Variants in TSPAN15 observed in about 807,000 individuals in gnomAD.
The protein encoded by TSPAN15 is tetraspanin 15.
In TSPAN15, 20 loss-of-function variants were observed where a neutral mutation model predicts 34.5. That is an observed-to-expected ratio of 0.58 (90% CI 0.41 to 0.84). The LOEUF (loss-of-function observed/expected upper bound fraction) is 0.84, where lower values mean the gene tolerates loss of function less well. TSPAN15 is among the 40% of genes least tolerant of loss of function. TSPAN15 has a pLI of 0.00. For synonymous variants in TSPAN15, 155 were observed against 153.9 expected (o/e 1.01, Z -0.05); for missense variants, 313 against 386.1 (o/e 0.81, Z 1.59).
chr10:69,485,350 C>T (rs1203794234), intron 3 of TSPAN15, 135 bp downstream of exon 3: 3 of 791,372 alleles, frequency 3.8e-6, no homozygotes, highest in South Asian at 1.4e-5. Flanking sequence ...AAGAGAATGA[C>T]AGGCACTGAA....
the TSPAN15 span, among the ~76,000 whole-genome samples, chr10:69,526,151 G>A: frequency 2.0e-5 from 3 of 147,482 alleles, no homozygotes; most frequent in Non-Finnish European, 4.5e-5. Flanking sequence ...CACAGATATT[G>A]AAGAGATGAA....
intron 3 of TSPAN15, among the ~76,000 whole-genome samples, chr10:69,485,931 G>A (rs984331984): frequency 1.3e-5 from 2 of 152,190 alleles, no homozygotes; most frequent in Non-Finnish European, 2.9e-5. Flanking sequence ...GGTTGACAGG[G>A]TGATGCCTGG....
chr10:69,496,320 C>CAAT (rs3028371), intron 4 of TSPAN15, among the ~76,000 whole-genome samples: 17,436 of 132,288 alleles, frequency 0.13, 1,177 homozygotes, highest in Middle Eastern at 0.17. Flanking sequence ...TCTGTTGGTG[C>CAAT]AATAATAATA....
intron 1 of TSPAN15, among the ~76,000 whole-genome samples, chr10:69,461,578 G>A (rs1054083543): frequency 1.3e-5 from 2 of 152,184 alleles, no homozygotes; most frequent in Non-Finnish European, 2.9e-5. Flanking sequence ...TGACCTCTCC[G>A]GCTGTGCTGG....
the TSPAN15 span, among the ~76,000 whole-genome samples, chr10:69,548,461 A>G: frequency 6.6e-6 from 1 of 152,256 alleles, no homozygotes; most frequent in African/African-American, 2.4e-5. Flanking sequence ...ACTTGACAAA[A>G]CATATGAAAT....
chr10:69,537,889 C>T, the TSPAN15 span, among the ~76,000 whole-genome samples: 1 of 152,142 alleles, frequency 6.6e-6, no homozygotes. Flanking sequence ...TAACAAAATA[C>T]CATAGGCTGG....
At chr10:69,531,567 C>G in the TSPAN15 span, among the ~76,000 whole-genome samples, 1 of 152,026 alleles carries the variant, frequency 6.6e-6, no homozygotes, top group Non-Finnish European at 1.5e-5. Context: ...CCACTGCACT[C>G]CAGCCTGGGT....
At chr10:69,528,908 C>T in the TSPAN15 span, among the ~76,000 whole-genome samples, 6 of 147,864 alleles carry the variant, frequency 4.1e-5, 1 homozygote, top group Admixed American at 1.4e-4. Flanking sequence ...CAGCCATAGG[C>T]GGGCCTGGAA....
the TSPAN15 span, among the ~76,000 whole-genome samples, chr10:69,524,188 G>A: frequency 6.8e-6 from 1 of 147,956 alleles, no homozygotes; most frequent in Non-Finnish European, 1.5e-5. Flanking sequence ...ATCAAATCCA[G>A]CTGGGCATGG....
the TSPAN15 span, among the ~76,000 whole-genome samples, chr10:69,539,933 G>A: frequency 6.6e-6 from 1 of 151,048 alleles, no homozygotes; most frequent in Non-Finnish European, 1.5e-5. Flanking sequence ...GCCACACTTT[G>A]CTGCAGGGGG....
the TSPAN15 span, among the ~76,000 whole-genome samples, chr10:69,537,584 G>T: frequency 1.3e-5 from 2 of 152,132 alleles, no homozygotes; most frequent in Non-Finnish European, 2.9e-5. Context: ...TTCACATGGC[G>T]TTTCCCCTTT....
At chr10:69,548,854 C>T in the TSPAN15 span, among the ~76,000 whole-genome samples, 36 of 151,944 alleles carry the variant, frequency 2.4e-4, 1 homozygote, top group African/African-American at 7.5e-4. Context: ...AGGATGGAGA[C>T]GCATTGCTAT....
intron 1 of TSPAN15, among the ~76,000 whole-genome samples, chr10:69,458,974 G>A (rs1190948131): frequency 6.6e-6 from 1 of 151,992 alleles, no homozygotes; most frequent in Non-Finnish European, 1.5e-5. Context: ...TGCCACCCTG[G>A]GGTGGGGCTC....
At chr10:69,457,326 G>C (rs932077480) in intron 1 of TSPAN15, among the ~76,000 whole-genome samples, 1 of 152,194 alleles carries the variant, frequency 6.6e-6, no homozygotes, top group Non-Finnish European at 1.5e-5. Flanking sequence ...TCCAGCTTGG[G>C]GCAGAGGCCT....
the TSPAN15 span, among the ~76,000 whole-genome samples, chr10:69,524,848 T>G: frequency 6.1e-5 from 9 of 146,662 alleles, no homozygotes; most frequent in African/African-American, 2.0e-4. Context: ...TGGTGCAATC[T>G]CCACTCACAG....
chr10:69,510,508 A>G (rs1842403733), downstream of TSPAN15, among the ~76,000 whole-genome samples: 1 of 152,230 alleles, frequency 6.6e-6, no homozygotes, highest in Admixed American at 6.5e-5. Context: ...ATGTACAATC[A>G]TGTCATCTGC....
chr10:69,527,331 C>T, the TSPAN15 span, among the ~76,000 whole-genome samples: 1 of 147,712 alleles, frequency 6.8e-6, no homozygotes, highest in Non-Finnish European at 1.5e-5. Context: ...CACAGTGGCT[C>T]ATGCCTGTAA....
chr10:69,543,367 C>T, the TSPAN15 span, among the ~76,000 whole-genome samples: 475 of 152,316 alleles, frequency 3.1e-3, 1 homozygote, highest in African/African-American at 0.011. Flanking sequence ...AAGTCTCCTT[C>T]CTCCCCTTCC....
the TSPAN15 span, among the ~76,000 whole-genome samples, chr10:69,536,781 T>C: frequency 6.6e-6 from 1 of 152,086 alleles, no homozygotes; most frequent in East Asian, 1.9e-4. Flanking sequence ...GGTCAGGAGT[T>C]TGAGACCAGC....
Sources: gnomAD v4.1 joint callset for allele counts (sites outside exome capture counted in the v4.1 genomes callset) on GRCh38, gnomAD v4.1.1 for gene constraint, MANE v1.5 for transcripts, NCBI Gene and HGNC (gene_info 2026-07-23, HGNC 2026-07-21) for gene names.